The following SHLD1 variants were observed in gnomAD, a reference collection of about 807,000 sequenced individuals.
The protein encoded by SHLD1 is RINN1-REV7-interacting novel NHEJ regulator 3.
SHLD1 carries 3 observed loss-of-function variants against 5.5 expected under a neutral mutation model. The observed-to-expected ratio is 0.54, with a 90% CI of 0.25 to 1.40. The LOEUF (loss-of-function observed/expected upper bound fraction) is 1.40. Ranked by LOEUF, SHLD1 falls within the 40% of genes most tolerant of loss-of-function variation. The probability of loss-of-function intolerance (pLI) is 0.15; values close to 1 mark genes in which losing one functional copy is unlikely to be tolerated. For synonymous variants in SHLD1, 92 were observed against 94.3 expected, an observed-to-expected ratio of 0.98 and a Z score of 0.14; for missense variants, 210 against 244.4, an observed-to-expected ratio of 0.86 and a Z score of 0.94.
At chr20:5,825,391 T>C (rs1208041835) in intron 2 of SHLD1, among the ~76,000 whole-genome samples, 1 of 152,236 alleles carries the variant, frequency 6.6e-6, no homozygotes, top group Admixed American at 6.5e-5. Flanking sequence ...CTCGTTACAG[T>C]CTTGGTTAAG....
chr20:5,847,250 A>G (rs1257165359), intron 2 of SHLD1, among the ~76,000 whole-genome samples: 1 of 152,170 alleles, frequency 6.6e-6, no homozygotes, highest in Non-Finnish European at 1.5e-5. Context: ...TCTCATCTGG[A>G]AAATAAGACA....
chr20:5,804,605 C>T (rs745413316), intron 2 of SHLD1, among the ~76,000 whole-genome samples: 2 of 152,154 alleles, frequency 1.3e-5, no homozygotes, highest in Non-Finnish European at 2.9e-5. Context: ...AATTCCATTG[C>T]AGAAATCATA....
At chr20:5,752,362 C>T (rs1309167937) in intron 1 of SHLD1, among the ~76,000 whole-genome samples, 1 of 150,470 alleles carries the variant, frequency 6.6e-6, no homozygotes, top group East Asian at 2.0e-4. Flanking sequence ...CACTACTGCA[C>T]TCTAGCCTGG....
intron 2 of SHLD1, among the ~76,000 whole-genome samples, chr20:5,808,278 A>G (rs563180610): frequency 8.3e-6 from 1 of 120,280 alleles, no homozygotes; most frequent in Non-Finnish European, 1.8e-5. Flanking sequence ...AAAAAAAAGA[A>G]ACGTAAAAGT....
At position 5,864,002 on chromosome 20, in the gene SHLD1, A is replaced by T. The variant is rs1420192158; in HGVS notation, c.*539A>T. On this transcript the variant is annotated 3_prime_UTR_variant, in exon 3 of 3. Transcript: ENST00000303142. ...GTTTTAGAAGGATACAAAGCTCTAC[A>T]CCGAATCAGGTATAAGGAATTATAT... 8 of 152,712 alleles carry T rather than the reference A, an allele frequency of 5.2e-5. No homozygotes were observed. Among genetic ancestry groups the T allele is most frequent in the African/African-American group, 1.7e-4 (7 of 41,472 alleles). 9.5% of individuals were successfully genotyped at this position (152,712 alleles called of 1,614,324 possible). A position where few individuals can be genotyped will look rare whatever the true frequency, so the allele number is the denominator to read the frequency against.
At chr20:5,773,357 A>AT (rs3830817) in intron 2 of SHLD1, 249,616 of 544,088 alleles carry the variant, frequency 0.46, 53,481 homozygotes, top group Middle Eastern at 0.48. Flanking sequence ...AGAGAGTGGA[A>AT]TTTTTTTTTG....
At chr20:5,810,314 A>G (rs187330515) in intron 2 of SHLD1, among the ~76,000 whole-genome samples, 4 of 152,102 alleles carry the variant, frequency 2.6e-5, no homozygotes, top group African/African-American at 9.7e-5. Context: ...TCGAGTAACT[A>G]AGGGGACTGA....
Position 5,861,892 on chromosome 20 carries a change from G to T in SHLD1, c.179-1132G>T, listed in dbSNP as rs544246009. Among the ~76,000 whole-genome samples, 36 of 152,340 alleles carry T rather than the reference G, an allele frequency of 2.4e-4. 1 individual carries two copies. Among genetic ancestry groups the T allele is most frequent in the African/African-American group, 6.0e-4 (25 of 41,576 alleles). ...GTGATTTATAAAAGCTTATATCAGG[G>T]TCAGGCGTGGAGGTCCAAGAGCAGG... On this transcript the variant is annotated intron_variant, in intron 2 of 2. Coordinates refer to ENST00000303142, the MANE Select transcript of SHLD1 (RefSeq NM_152504.4).
chr20:5,803,140 C>T (rs1319728195), intron 2 of SHLD1, among the ~76,000 whole-genome samples: 2 of 152,050 alleles, frequency 1.3e-5, no homozygotes, highest in African/African-American at 4.8e-5. Context: ...TGTTCTTCAC[C>T]TTATTTGATT....
At chr20:5,793,484 A>G (rs1277702602) in intron 2 of SHLD1, among the ~76,000 whole-genome samples, 1 of 152,176 alleles carries the variant, frequency 6.6e-6, no homozygotes, top group Non-Finnish European at 1.5e-5. Flanking sequence ...AGATTCCTAT[A>G]TAGTCAAGCT....
intron 2 of SHLD1, among the ~76,000 whole-genome samples, chr20:5,835,840 A>AT (rs2087782578): frequency 6.6e-6 from 1 of 152,202 alleles, no homozygotes; most frequent in African/African-American, 2.4e-5. Context: ...TTGCAGAAAA[A>AT]TTGTTAGAGA....
intron 2 of SHLD1, among the ~76,000 whole-genome samples, chr20:5,776,254 C>A (rs1985422625): frequency 1.3e-5 from 2 of 151,900 alleles, no homozygotes; most frequent in South Asian, 4.2e-4. Context: ...AGGCTTTTAT[C>A]ACAAATACCA....
chr20:5,773,357 AT>A (rs3830817), intron 2 of SHLD1: 17,696 of 545,110 alleles, frequency 0.032, 345 homozygotes, highest in Middle Eastern at 0.047. Flanking sequence ...AGAGAGTGGA[AT>A]TTTTTTTTGT....
rs373042129 is a variant in SHLD1 at position 5,793,897 on chromosome 20, A to C, written c.178+20854A>C. On this transcript the variant is annotated intron_variant, in intron 2 of 2. Transcript: ENST00000303142. ...TAATTTTTTTGTATTTTCAGTAGAG[A>C]CAGGGTTTCACCATGTTGGCCAGGC... 5.3e-5 allele frequency among the ~76,000 whole-genome samples: 8 copies of C among 152,084 alleles called. No individual in the cohort carries two copies. The East Asian group carries it at 1.5e-3, about 29-fold the overall frequency.
intron 1 of SHLD1, among the ~76,000 whole-genome samples, chr20:5,754,546 T>C (rs1223717956): frequency 3.3e-5 from 5 of 152,154 alleles, no homozygotes; most frequent in Non-Finnish European, 7.3e-5. Context: ...TTTAAAGAGG[T>C]TTATTCCGAG....
intron 2 of SHLD1, among the ~76,000 whole-genome samples, chr20:5,847,847 A>G (rs1274191269): frequency 6.6e-6 from 1 of 152,232 alleles, no homozygotes; most frequent in Non-Finnish European, 1.5e-5. Context: ...GTCAAGTCGA[A>G]AATGCACATT....
intron 2 of SHLD1, among the ~76,000 whole-genome samples, chr20:5,830,688 TAAAA>T (rs33975362): frequency 7.6e-6 from 1 of 131,284 alleles, no homozygotes; most frequent in Non-Finnish European, 1.7e-5. Context: ...AACTCCGTCT[TAAAA>T]AAAAAAAAAA....
At chr20:5,815,577 AAAG>A (rs1444236544) in intron 2 of SHLD1, among the ~76,000 whole-genome samples, 2 of 152,220 alleles carry the variant, frequency 1.3e-5, no homozygotes, top group East Asian at 3.8e-4. Context: ...TTATTTTTAA[AAAG>A]AAGAAGATGT....
chr20:5,773,942 A>T (rs548416139), intron 2 of SHLD1, among the ~76,000 whole-genome samples: 1 of 152,264 alleles, frequency 6.6e-6, no homozygotes, highest in Admixed American at 6.5e-5. Flanking sequence ...GGTAGCTCAC[A>T]CCTGTAATCC....
Sources: allele counts gnomAD v4.1 joint callset (sites outside exome capture counted in the v4.1 genomes callset), GRCh38; gene constraint gnomAD v4.1.1; transcripts MANE v1.5; gene names NCBI Gene and HGNC (gene_info 2026-07-23, HGNC 2026-07-21).